Variants in SHANK2 observed in about 807,000 individuals in gnomAD.
SHANK2 encodes the protein SH3 and multiple ankyrin repeat domains 2.
Under a neutral mutation model 133.7 loss-of-function variants are expected in SHANK2, and 43 were observed. That is an observed-to-expected ratio of 0.32 (90% CI 0.25 to 0.41). The LOEUF is 0.41. Ranked by LOEUF, SHANK2 falls within the 10% of genes least tolerant of loss-of-function variation. SHANK2 has a pLI of 1.00. For missense variants in SHANK2, 1,994 were observed against 2,235.8 expected, an observed-to-expected ratio of 0.89 and a Z score of 2.18; for synonymous variants, 1,017 against 952.8, an observed-to-expected ratio of 1.07 and a Z score of -1.24.
rs933551133 is a variant in SHANK2 at position 71,079,486 on chromosome 11, T to C, written c.913-4211A>G. On this transcript the variant is annotated intron_variant, in intron 8 of 25. Coordinates refer to ENST00000601538, the MANE Select transcript of SHANK2 (RefSeq NM_012309.5). ...TTAAAAAGAAAGTTAATAGGCCAGG[T>C]GTGGTGGCTCATGCCTGTAATCCCA... 4.5e-4 allele frequency among the ~76,000 whole-genome samples: 69 copies of C among 152,148 alleles called. 1 individual carries two copies. The East Asian group carries it at 0.012, about 27-fold the overall frequency.
intron 3 of SHANK2, 95 bp from the exon 4 acceptor site, chr11:71,119,127 A>C (rs1590930645): frequency 9.6e-7 from 1 of 1,044,536 alleles, no homozygotes. Context: ...AGCTGCTTCC[A>C]CCCCTTCCCG....
intron 17 of SHANK2, among the ~76,000 whole-genome samples, chr11:70,596,552 C>T (rs2060403770): frequency 6.6e-6 from 1 of 152,246 alleles, no homozygotes; most frequent in Non-Finnish European, 1.5e-5. Flanking sequence ...GCAGGACTTT[C>T]CTGAAGTAGA....
intron 3 of SHANK2, among the ~76,000 whole-genome samples, chr11:71,128,827 C>T (rs1267959576): frequency 2.6e-5 from 4 of 152,316 alleles, no homozygotes; most frequent in Admixed American, 2.0e-4. Flanking sequence ...ACTCTTTCGC[C>T]AGGCTGGAGT....
intron 14 of SHANK2, among the ~76,000 whole-genome samples, chr11:70,729,372 G>C (rs1396479320): frequency 2.6e-5 from 4 of 152,124 alleles, no homozygotes; most frequent in Non-Finnish European, 5.9e-5. Context: ...GGGCTCCAGG[G>C]ACTGGGGGCT....
chr11:70,867,519 G>A (rs58493305), intron 11 of SHANK2, among the ~76,000 whole-genome samples: 1,744 of 152,318 alleles, frequency 0.011, 33 homozygotes, highest in African/African-American at 0.039. Context: ...AAAGCTGCCT[G>A]AGCCAGGGAT....
rs1953399863 is a variant in SHANK2, at chr11:71,175,047, C to A, written c.-12-27709G>T. On this transcript the variant is annotated intron_variant, in intron 2 of 25. Transcript: ENST00000601538. The surrounding 1 kb of genome is among the most constrained non-coding windows in gnomAD (Gnocchi z 4.2). ...CATGTCATGCTCTCAGATAAGCCTT[C>A]CCCGGTTACCTTTCTGCAGCTACAA... is the stretch of plus-strand genomic sequence containing the variant. Among the ~76,000 whole-genome samples, 2 of 147,790 alleles carry A rather than the reference C, an allele frequency of 1.4e-5. No individual in the cohort carries two copies. The highest frequency in any genetic ancestry group is 4.4e-4 in the South Asian group (2 of 4,572).
intron 10 of SHANK2, among the ~76,000 whole-genome samples, chr11:70,928,800 G>A (rs1180923939): frequency 6.6e-6 from 1 of 152,192 alleles, no homozygotes; most frequent in Non-Finnish European, 1.5e-5. Context: ...AACCCGGACA[G>A]GTGGTAGAGC....
intron 17 of SHANK2, among the ~76,000 whole-genome samples, chr11:70,600,433 A>G (rs1222201630): frequency 6.6e-6 from 1 of 150,666 alleles, no homozygotes; most frequent in African/African-American, 2.5e-5. Flanking sequence ...AAAAAAAAAA[A>G]AAAAGAAAAG....
chr11:70,928,661 A>T (rs1189176045), intron 10 of SHANK2, among the ~76,000 whole-genome samples: 2 of 152,152 alleles, frequency 1.3e-5, no homozygotes, highest in African/African-American at 4.8e-5. Context: ...CTGGAGGAAG[A>T]ACCAGCCCCT....
rs550495938 is a variant in SHANK2, at chr11:70,553,336, G to A, written c.2062-50405C>T. Among the ~76,000 whole-genome samples, 13 of 152,112 alleles carry A rather than the reference G, an allele frequency of 8.5e-5. No individual in the cohort carries two copies. The South Asian group carries it at 2.1e-3, about 24-fold the overall frequency. Reference sequence around the variant, plus strand: ...TTGAACTCCTGACCTCAAATGCTTCGCCCACCTCGGCCTCCTAAAGTGCTG... The same window carrying A: ...TTGAACTCCTGACCTCAAATGCTTCACCCACCTCGGCCTCCTAAAGTGCTG... On this transcript the variant is annotated intron_variant, in intron 17 of 25. Transcript: ENST00000601538.
chr11:70,664,957 G>A (rs1555014489), intron 15 of SHANK2, among the ~76,000 whole-genome samples: 1 of 152,140 alleles, frequency 6.6e-6, no homozygotes, highest in African/African-American at 2.4e-5. Flanking sequence ...GTGGAGTCGT[G>A]CATCCATGCC....
At chr11:70,867,886 G>A (rs2135529295) in intron 11 of SHANK2, among the ~76,000 whole-genome samples, 1 of 152,280 alleles carries the variant, frequency 6.6e-6, no homozygotes, top group African/African-American at 2.4e-5. Flanking sequence ...TCCATCTCTG[G>A]GCTGTTTGCC....
intron 10 of SHANK2, among the ~76,000 whole-genome samples, chr11:71,056,042 T>G (rs1950914559): frequency 6.6e-6 from 1 of 152,126 alleles, no homozygotes; most frequent in African/African-American, 2.4e-5. Flanking sequence ...GGCCCATGAT[T>G]GGCTGGGGTT....
intron 2 of SHANK2, among the ~76,000 whole-genome samples, chr11:71,212,137 A>T (rs1555118965): frequency 6.6e-6 from 1 of 152,254 alleles, no homozygotes. Flanking sequence ...GAATTCTGTT[A>T]TTCCATCTTT....
chr11:70,850,680 T>C (rs1171253297), intron 11 of SHANK2, among the ~76,000 whole-genome samples: 2 of 152,194 alleles, frequency 1.3e-5, no homozygotes, highest in Non-Finnish European at 2.9e-5. Flanking sequence ...CGTGGGCTCC[T>C]GGGGAGAGTA....
chr11:70,638,408 G>C (rs781945608), intron 17 of SHANK2, among the ~76,000 whole-genome samples: 1 of 152,216 alleles, frequency 6.6e-6, no homozygotes, highest in Non-Finnish European at 1.5e-5. Flanking sequence ...AGATGGGAAA[G>C]CTGAGGGTCT....
chr11:71,103,414 T>C (rs1555097084), intron 6 of SHANK2, among the ~76,000 whole-genome samples: 1 of 152,160 alleles, frequency 6.6e-6, no homozygotes, highest in East Asian at 1.9e-4. Context: ...CATTCAGTGC[T>C]AAAACCAGGG....
At chr11:70,607,273 T>C (rs2060591255) in intron 17 of SHANK2, among the ~76,000 whole-genome samples, 1 of 152,132 alleles carries the variant, frequency 6.6e-6, no homozygotes, top group African/African-American at 2.4e-5. Flanking sequence ...GATGAACTGG[T>C]TTCCAGGCTG....
chr11:71,115,666 G>A (rs1181548258), intron 4 of SHANK2, among the ~76,000 whole-genome samples: 1 of 152,138 alleles, frequency 6.6e-6, no homozygotes, highest in Non-Finnish European at 1.5e-5. Context: ...TCATGAATGG[G>A]AATCCGGGGC....
Sources: gnomAD v4.1 joint callset for allele counts (sites outside exome capture counted in the v4.1 genomes callset) on GRCh38, gnomAD v4.1.1 for gene constraint, Gnocchi (gnomAD v3.1) non-coding constraint, MANE v1.5 for transcripts, NCBI Gene and HGNC (gene_info 2026-07-23, HGNC 2026-07-21) for gene names.